Variants in SLC4A11 observed in about 807,000 individuals in gnomAD.
SLC4A11 encodes bicarbonate transporter related protein 1.
Under a neutral mutation model 95.0 loss-of-function variants are expected in SLC4A11, and 74 were observed. The observed-to-expected ratio is 0.78, with a 90% confidence interval of 0.65 to 0.95. The LOEUF (loss-of-function observed/expected upper bound fraction) is 0.95, where lower values mean the gene tolerates loss of function less well. Among genes scored for constraint, SLC4A11 ranks in the 40% least tolerant of loss-of-function variants. SLC4A11 has a pLI of 0.00. For missense variants in SLC4A11, 1,081 were observed against 1,192.4 expected, an observed-to-expected ratio of 0.91 and a Z score of 1.38; for synonymous variants, 548 against 519.0, an observed-to-expected ratio of 1.06 and a Z score of -0.76.
intron 2 of SLC4A11, among the ~76,000 whole-genome samples, chr20:3,235,131 C>T (rs565559414): frequency 3.3e-5 from 5 of 152,190 alleles, no homozygotes; most frequent in African/African-American, 4.8e-5. Flanking sequence ...CAGGACCCTG[C>T]GCAGCTTTGA....
chr20:3,238,680 C>G, intron 1 of SLC4A11: 1 of 1,002,976 alleles, frequency 1.0e-6, no homozygotes, highest in Non-Finnish European at 1.2e-6. Flanking sequence ...CCCACCGCGG[C>G]GCCGGACGGG....
intron 19 of SLC4A11, 22 bp downstream of exon 19, chr20:3,228,237 C>T: frequency 6.2e-7 from 1 of 1,610,546 alleles, no homozygotes; most frequent in Non-Finnish European, 8.5e-7. Flanking sequence ...GCCCCTCCTG[C>T]CCACTGCCCA....
At chr20:3,233,112 G>A (rs568156405) in intron 7 of SLC4A11, among the ~76,000 whole-genome samples, 3 of 152,258 alleles carry the variant, frequency 2.0e-5, no homozygotes, top group African/African-American at 4.8e-5. Flanking sequence ...AAAGACTCCC[G>A]AAATTGTATC....
Position 3,233,980 on chromosome 20 carries a change from G to C in SLC4A11, c.546C>G (p.Ile182Met). ...CTGTCACTGTGGCGGTGACCCCTTG[G>C]ATGGTATCTGACAGCAGGTGGACTG... Reference protein sequence around the residue: ...RGKVHLLSDTIQGVTATVTGV... With the variant: ...RGKVHLLSDTMQGVTATVTGV... Residue 182 changes from isoleucine (I) to methionine (M), a missense_variant, in exon 6 of 20, where the codon ATC (isoleucine) becomes ATG (methionine). Ile to Met is a conservative substitution (Grantham distance 10, BLOSUM62 1). Coordinates refer to ENST00000642402, the MANE Select transcript of SLC4A11 (RefSeq NM_001174089.2). The C allele has an allele frequency of 5.6e-6, 9 of 1,613,924 alleles. No homozygotes were observed. The highest frequency in any genetic ancestry group is 7.6e-6 in the Non-Finnish European group (9 of 1,180,006).
At chr20:3,238,093 A>G (rs1446425762) in intron 1 of SLC4A11, 3 of 1,465,322 alleles carry the variant, frequency 2.0e-6, no homozygotes, top group Non-Finnish European at 1.8e-6. Context: ...GACCCCCGTC[A>G]CGCGCCCCGG....
At chr20:3,229,060 G>GGGGCCCCCCCCCCCCCCCCCCCCC in intron 16 of SLC4A11, 35 bp downstream of exon 16, 4 of 1,541,914 alleles carry the variant, frequency 2.6e-6, no homozygotes, top group Non-Finnish European at 3.5e-6. Context: ...AGAGGCCCGG[G>GGGGCCCCCCCCCCCCCCCCCCCCC]CCCCGCCCAC....
At position 3,231,689 on chromosome 20, in the gene SLC4A11, T is replaced by C. The variant is rs1007659566; in HGVS notation, c.730-141A>G. The C allele has an allele frequency of 2.9e-5, 22 of 758,088 alleles. 1 individual carries two copies. In the Admixed American group the frequency reaches 3.9e-4, roughly 13 times the overall value. The allele number at this position is 758,088 out of a possible 1,614,324, so 47.0% of individuals were successfully genotyped here. ...GTGTTTTTTTGAGACAGGGTCTCAC[T>C]GTCACCCAGGCTGAGTGCAGTGGCA... On this transcript the variant is annotated intron_variant, in intron 7 of 19. Transcript: ENST00000642402. This position sits in a 1 kb window ranked among gnomAD's most constrained non-coding sequence, Gnocchi z 5.2.
chr20:3,238,244 G>A (rs2068051696), intron 1 of SLC4A11: 2 of 1,355,700 alleles, frequency 1.5e-6, no homozygotes, highest in South Asian at 4.1e-5. Flanking sequence ...GGGGGAGGCT[G>A]CGCCCTCCCT....
In SLC4A11 at chr20:3,229,433, C is replaced by A; in HGVS notation, c.1762G>T (p.Val588Leu). 1.9e-6 allele frequency: 3 copies of A among 1,613,294 alleles called. No individual in the cohort carries two copies. Among genetic ancestry groups the A allele is most frequent in the African/African-American group, 1.3e-5 (1 of 75,058 alleles). The change falls in exon 15 of 20, where the codon GTG becomes TTG. Residue 588 changes from valine to leucine, a missense_variant. Transcript: ENST00000642402. ...FKKSPYLHPC[V>L]REILSDCALP... is the part of the protein sequence containing the mutation. ...GCGCAGTCGGACAGGATCTCTCGCA[C>A]GCAGGGGTGCAGGTAGGGGCTGGGG... is the stretch of plus-strand genomic sequence containing the variant.
chr20:3,239,328 C>T (rs531739404), upstream of SLC4A11: 258 of 1,148,334 alleles, frequency 2.2e-4, 1 homozygote, highest in African/African-American at 3.8e-3. Flanking sequence ...GGGACCCGGC[C>T]GCCCGCCCCG....
chr20:3,227,879 G>A (rs370663853), intron 19 of SLC4A11, 23 bp from the exon 20 acceptor site: 29 of 1,609,140 alleles, frequency 1.8e-5, no homozygotes, highest in Non-Finnish European at 2.4e-5. Flanking sequence ...AGGGACAGGA[G>A]GATGAGCCTG....
At position 3,228,412 on chromosome 20, in the gene SLC4A11, G is replaced by C; in HGVS notation, c.2405C>G (p.Thr802Arg). ...LLKEQTAYPPTHYIRRVPQRK... is the reference protein window; with the variant it reads ...LLKEQTAYPPRHYIRRVPQRK... The stretch of plus-strand genomic sequence containing the variant: ...CTGGGGCACCCTCCGGATGTAGTGT[G>C]TCGGGGGGTACGCAGTCTGTGGGCG... The change falls in exon 19 of 20, where the codon ACA (threonine) becomes AGA (arginine). Residue 802 changes from threonine (T) to arginine (R), a missense_variant. By Grantham distance (71) the Thr-to-Arg change is moderately conservative. Around this residue, in one of 3 missense-constraint regions of SLC4A11, gnomAD observed 767 missense variants for 858.0 expected, o/e 0.89. Coordinates refer to ENST00000642402, the MANE Select transcript of SLC4A11 (RefSeq NM_001174089.2). 1 of 1,613,274 alleles carries C rather than the reference G, an allele frequency of 6.2e-7. No individual in the cohort carries two copies. The highest frequency in any genetic ancestry group is 8.5e-7 in the Non-Finnish European group (1 of 1,179,974).
Position 3,228,509 on chromosome 20 carries a change from C to T in SLC4A11, c.2388+3G>A, listed in dbSNP as rs1383960989. On this transcript the variant is annotated splice_donor_region_variant and intron_variant, in intron 18 of 19. Coordinates refer to ENST00000642402, the MANE Select transcript of SLC4A11 (RefSeq NM_001174089.2). ...CCACTCCCTCGCAGGGCCAAGCGCT[C>T]ACCTGCTCCTTGAGCAGCAGGGCCA... The T allele has an allele frequency of 3.1e-6, 5 of 1,612,892 alleles. No homozygotes were observed. Among genetic ancestry groups the T allele is most frequent in the Non-Finnish European group, 4.2e-6 (5 of 1,179,932 alleles).
At position 3,234,988 on chromosome 20, in the gene SLC4A11, G is replaced by A. The variant is rs2067923340; in HGVS notation, c.89-94C>T. On this transcript the variant is annotated intron_variant, in intron 2 of 19. Coordinates refer to ENST00000642402, the MANE Select transcript of SLC4A11 (RefSeq NM_001174089.2). This position sits in a 1 kb window ranked among gnomAD's most constrained non-coding sequence, Gnocchi z 5.8. ...CCCAGGGAGCAGGGACCCCTGGACT[G>A]TCCCACTCTCGGGCCGTGGTGGGAG... The A allele has an allele frequency of 6.6e-7, 1 of 1,514,348 alleles. No homozygotes were observed. Among genetic ancestry groups the A allele is most frequent in the African/African-American group, 1.4e-5 (1 of 73,020 alleles). The allele number at this position is 1,514,348 out of a possible 1,614,324, so 93.8% of individuals were successfully genotyped here.
At chr20:3,239,209 C>T, upstream of SLC4A11, 1 of 1,336,978 alleles carries the variant, frequency 7.5e-7, no homozygotes, top group Non-Finnish European at 9.6e-7. Context: ...AACTCGGCGA[C>T]TCGGGCGGGC....
At chr20:3,235,186 C>G (rs2067929921) in intron 2 of SLC4A11, among the ~76,000 whole-genome samples, 1 of 152,186 alleles carries the variant, frequency 6.6e-6, no homozygotes, top group Admixed American at 6.5e-5. Flanking sequence ...CACATTGGGG[C>G]AGGCACGGAG....
At chr20:3,229,038 G>C (rs758498372) in intron 16 of SLC4A11, 27 bp from the exon 17 acceptor site, 4 of 1,606,034 alleles carry the variant, frequency 2.5e-6, no homozygotes, top group South Asian at 1.1e-5. Flanking sequence ...CTCGTGGACA[G>C]AGCCCCACAG....
intron 2 of SLC4A11, among the ~76,000 whole-genome samples, chr20:3,235,309 T>TCACACA (rs58744452): frequency 0.013 from 1,583 of 123,568 alleles, 35 homozygotes; most frequent in African/African-American, 0.044. Flanking sequence ...TCTCTCTCTC[T>TCACACA]CACACACACA....
chr20:3,230,355 C>A, intron 12 of SLC4A11, 95 bp from the exon 13 acceptor site: 1 of 1,581,488 alleles, frequency 6.3e-7, no homozygotes, highest in South Asian at 1.1e-5. Flanking sequence ...CTGCCTCCCC[C>A]TGCCAGGAAG....
Sources: gnomAD v4.1 joint callset for allele counts (sites outside exome capture counted in the v4.1 genomes callset) on GRCh38, gnomAD v4.1.1 for gene constraint, gnomAD v4.1.1 regional missense constraint, Gnocchi (gnomAD v3.1) non-coding constraint, MANE v1.5 for transcripts, NCBI Gene and HGNC (gene_info 2026-07-23, HGNC 2026-07-21) for gene names.